MEF2A: variants seen among roughly 807,000 people sequenced by gnomAD.
The protein encoded by MEF2A is myocyte enhancer factor 2A.
MEF2A carries 28 observed loss-of-function variants against 55.8 expected under a neutral mutation model. The ratio of observed to expected loss-of-function variants is 0.50; its 90% CI spans 0.37 to 0.69. The LOEUF is 0.69. Among genes scored for constraint, MEF2A ranks in the 30% least tolerant of loss-of-function variants. The probability of loss-of-function intolerance (pLI) is 0.00; values close to 1 mark genes in which losing one functional copy is unlikely to be tolerated. For missense variants in MEF2A, 528 were observed against 626.2 expected (o/e 0.84, Z 1.67); for synonymous variants, 239 against 227.1 (o/e 1.05, Z -0.47).
At position 99,583,664 on chromosome 15, in the gene MEF2A, C is replaced by A. The variant is rs577243423; in HGVS notation, c.-224-14766C>A. Among the ~76,000 whole-genome samples the A allele has an allele frequency of 5.9e-5, 9 of 152,026 alleles. No individual in the cohort carries two copies. In the South Asian group the frequency reaches 1.9e-3, roughly 32 times the overall value. ...GCATTTGGGAAGTCACATCCTCAATCTGAAGAATTAAAATTCTAATGAATT... is the reference window on the plus strand; with the variant it reads ...GCATTTGGGAAGTCACATCCTCAATATGAAGAATTAAAATTCTAATGAATT... On this transcript the variant is annotated intron_variant, in intron 1 of 11. Transcript: ENST00000557942.
At chr15:99,672,989 C>T (rs1459003661) in intron 5 of MEF2A, among the ~76,000 whole-genome samples, 1 of 152,080 alleles carries the variant, frequency 6.6e-6, no homozygotes, top group Non-Finnish European at 1.5e-5. Flanking sequence ...TTTTATTACC[C>T]TTTGTGGATG....
intron 3 of MEF2A, among the ~76,000 whole-genome samples, chr15:99,644,238 T>C (rs1348703773): frequency 6.6e-6 from 1 of 152,228 alleles, no homozygotes. Context: ...GAGTAGATGT[T>C]AAATGCATTT....
At chr15:99,585,203 A>G (rs965593934) in intron 1 of MEF2A, among the ~76,000 whole-genome samples, 3 of 151,798 alleles carry the variant, frequency 2.0e-5, no homozygotes, top group Non-Finnish European at 2.9e-5. Context: ...ATGCTTTCCT[A>G]TTTTCAGGGT....
intron 1 of MEF2A, among the ~76,000 whole-genome samples, chr15:99,585,680 T>C (rs2152908454): frequency 6.9e-6 from 1 of 144,172 alleles, no homozygotes; most frequent in East Asian, 2.0e-4. Flanking sequence ...TGCCAGTCAC[T>C]GTGCTGAGCA....
At chr15:99,705,315 GA>G (rs1292314072) in intron 9 of MEF2A, among the ~76,000 whole-genome samples, 1 of 152,186 alleles carries the variant, frequency 6.6e-6, no homozygotes, top group African/African-American at 2.4e-5. Flanking sequence ...CAGTTATATA[GA>G]AATTTGGGAC....
At chr15:99,704,521 T>C (rs909285692) in intron 9 of MEF2A, among the ~76,000 whole-genome samples, 4 of 152,366 alleles carry the variant, frequency 2.6e-5, no homozygotes, top group African/African-American at 7.2e-5. Context: ...CAAGGAGTTG[T>C]GAATGCGTCC....
intron 2 of MEF2A, among the ~76,000 whole-genome samples, chr15:99,615,309 TA>T (rs2040008026): frequency 6.6e-6 from 1 of 152,222 alleles, no homozygotes; most frequent in Non-Finnish European, 1.5e-5. Flanking sequence ...ATTTGTCTTT[TA>T]TGCAGACTTA....
intron 2 of MEF2A, among the ~76,000 whole-genome samples, chr15:99,617,796 C>T (rs887003730): frequency 6.6e-6 from 1 of 152,078 alleles, no homozygotes; most frequent in South Asian, 2.1e-4. Flanking sequence ...TTGACATAAA[C>T]TGTGTTTATG....
At chr15:99,652,731 T>G (rs2047058697) in intron 4 of MEF2A, among the ~76,000 whole-genome samples, 1 of 152,212 alleles carries the variant, frequency 6.6e-6, no homozygotes, top group Non-Finnish European at 1.5e-5. Flanking sequence ...AGGTTTCTCC[T>G]TGCATTTCCC....
At chr15:99,582,650 G>A (rs531816760) in intron 1 of MEF2A, among the ~76,000 whole-genome samples, 5 of 152,070 alleles carry the variant, frequency 3.3e-5, no homozygotes, top group South Asian at 2.1e-4. Flanking sequence ...AGGATTTTAC[G>A]CTTTGCAAAG....
intron 4 of MEF2A, among the ~76,000 whole-genome samples, chr15:99,670,694 AC>A (rs2153626500): frequency 6.6e-6 from 1 of 152,370 alleles, no homozygotes; most frequent in African/African-American, 2.4e-5. Context: ...ACTCTGAATA[AC>A]TTTTGAGTGC....
intron 3 of MEF2A, among the ~76,000 whole-genome samples, chr15:99,643,115 C>T (rs1251040252): frequency 6.6e-6 from 1 of 152,114 alleles, no homozygotes; most frequent in Non-Finnish European, 1.5e-5. Context: ...AAAGTTGAGT[C>T]TTGAGTTTTA....
intron 3 of MEF2A, among the ~76,000 whole-genome samples, chr15:99,644,353 G>GA: frequency 6.6e-6 from 1 of 152,230 alleles, no homozygotes; most frequent in South Asian, 2.1e-4. Flanking sequence ...GAAATAGACT[G>GA]AAAAAATACA....
chr15:99,674,775 T>C (rs934148920), intron 6 of MEF2A, among the ~76,000 whole-genome samples, 163 bp downstream of exon 6: 2 of 152,186 alleles, frequency 1.3e-5, no homozygotes, highest in African/African-American at 2.4e-5. Context: ...TGAAAATCAA[T>C]TGTGGGTGTA....
chr15:99,627,056 C>T (rs749515401), intron 2 of MEF2A, among the ~76,000 whole-genome samples: 14 of 151,804 alleles, frequency 9.2e-5, no homozygotes, highest in Non-Finnish European at 1.9e-4. Context: ...TTCACCTAGC[C>T]ATATTTAGCT....
intron 9 of MEF2A, among the ~76,000 whole-genome samples, chr15:99,703,702 T>G (rs1306519465): frequency 2.6e-5 from 4 of 152,176 alleles, no homozygotes; most frequent in Non-Finnish European, 4.4e-5. Flanking sequence ...GCTCTCCAAA[T>G]TATTGAAATA....
intron 3 of MEF2A, among the ~76,000 whole-genome samples, chr15:99,641,486 G>A (rs549387102): frequency 5.4e-4 from 82 of 152,200 alleles, no homozygotes; most frequent in Non-Finnish European, 1.1e-3. Context: ...CACTTTGGGA[G>A]GCCGAGGCGG....
At chr15:99,702,169 C>G (rs1262562666) in intron 8 of MEF2A, among the ~76,000 whole-genome samples, 2 of 152,136 alleles carry the variant, frequency 1.3e-5, no homozygotes, top group African/African-American at 4.8e-5. Context: ...AGCATCTTGC[C>G]CACATTGGAG....
intron 2 of MEF2A, among the ~76,000 whole-genome samples, chr15:99,612,681 G>T (rs1026981265): frequency 2.0e-5 from 3 of 152,016 alleles, no homozygotes; most frequent in Non-Finnish European, 4.4e-5. Flanking sequence ...TTCCAATCTG[G>T]GTAACTGAGT....
Sources: allele counts gnomAD v4.1 joint callset (sites outside exome capture counted in the v4.1 genomes callset), GRCh38; gene constraint gnomAD v4.1.1; transcripts MANE v1.5; gene names NCBI Gene and HGNC (gene_info 2026-07-23, HGNC 2026-07-21).